The following IFT52 variants were observed in gnomAD, a reference collection of about 807,000 sequenced individuals.
IFT52 encodes intraflagellar transport 52.
In IFT52, 44 loss-of-function variants were observed where a neutral mutation model predicts 54.4. That is an observed-to-expected ratio of 0.81 (90% confidence interval 0.63 to 1.04). IFT52 has a LOEUF of 1.04. Among genes scored for constraint, IFT52 ranks in the 50% least tolerant of loss-of-function variants. IFT52 has a pLI of 0.00. For missense variants in IFT52, 452 were observed against 523.6 expected (o/e 0.86, Z 1.33); for synonymous variants, 181 against 185.3 (o/e 0.98, Z 0.19).
At chr20:43,641,327 TC>T (rs1985906618) in intron 12 of IFT52, among the ~76,000 whole-genome samples, 1 of 152,110 alleles carries the variant, frequency 6.6e-6, no homozygotes, top group Admixed American at 6.6e-5. Flanking sequence ...AACCTCTGCC[TC>T]CCGGGTTCAA....
At chr20:43,617,040 CTTT>C (rs537255149) in intron 7 of IFT52, among the ~76,000 whole-genome samples, 1 of 151,056 alleles carries the variant, frequency 6.6e-6, no homozygotes, top group Non-Finnish European at 1.5e-5. Context: ...TTATAGTATA[CTTT>C]TTTTTTAACC....
Position 43,596,451 on chromosome 20 carries a change from A to C in IFT52, c.136A>C (p.Thr46Pro). The C allele has an allele frequency of 6.3e-7, 1 of 1,596,734 alleles. No homozygotes were observed. Among genetic ancestry groups the C allele is most frequent in the Non-Finnish European group, 8.5e-7 (1 of 1,169,622 alleles). ...TATTTCCAGCTTAAAAGATGAAATCACATCTGAGAAGTTAAATGGAGTGAA... is the reference window on the plus strand; with the variant it reads ...TATTTCCAGCTTAAAAGATGAAATCCCATCTGAGAAGTTAAATGGAGTGAA... ...WKIQSLKDEI[T>P]SEKLNGVKLW... Residue 46 changes from threonine (T) to proline (P), a missense_variant, in exon 3 of 14, where the codon ACA becomes CCA. Thr to Pro is a conservative substitution (Grantham distance 38). Transcript: ENST00000373030.
intron 6 of IFT52, among the ~76,000 whole-genome samples, chr20:43,609,564 G>A (rs1983251538): frequency 2.0e-5 from 3 of 152,042 alleles, no homozygotes; most frequent in African/African-American, 7.2e-5. Flanking sequence ...CTGAGATCAG[G>A]CGTTCAAGAC....
At chr20:43,625,864 C>G (rs1984679211) in intron 10 of IFT52, among the ~76,000 whole-genome samples, 1 of 151,550 alleles carries the variant, frequency 6.6e-6, no homozygotes, top group Admixed American at 6.6e-5. Flanking sequence ...TCCCGAACGT[C>G]AAGGAGCAAG....
intron 6 of IFT52, among the ~76,000 whole-genome samples, chr20:43,607,937 G>T (rs1042275093): frequency 2.6e-5 from 4 of 152,226 alleles, no homozygotes; most frequent in African/African-American, 9.6e-5. Flanking sequence ...TCGCGGTTAG[G>T]AGCTGGAGAC....
intron 1 of IFT52, among the ~76,000 whole-genome samples, chr20:43,591,919 TA>T (rs2145575586): frequency 6.6e-6 from 1 of 152,264 alleles, no homozygotes; most frequent in South Asian, 2.1e-4. Flanking sequence ...AGCAGGAGCT[TA>T]CAGGTAGATA....
chr20:43,637,174 ACCT>A lies in IFT52; in HGVS notation c.1049_1051del (p.Pro350del). ...TTCCTCCCAGTTTCCGGGAGTTACC[ACCT>A]CCTCCTCTGGAGCTATTTGATTTAG... On this transcript the variant is annotated inframe_deletion, in exon 12 of 14. Coordinates refer to ENST00000373030, the MANE Select transcript of IFT52 (RefSeq NM_016004.5). The A allele has an allele frequency of 6.2e-7, 1 of 1,612,188 alleles. No individual in the cohort carries two copies. The highest frequency in any genetic ancestry group is 8.5e-7 in the Non-Finnish European group (1 of 1,179,068).
At chr20:43,627,232 G>A (rs1425711892) in intron 10 of IFT52, among the ~76,000 whole-genome samples, 1 of 152,130 alleles carries the variant, frequency 6.6e-6, no homozygotes, top group African/African-American at 2.4e-5. Flanking sequence ...GCGCCAGCGA[G>A]TGTGAGATGA....
At chr20:43,620,262 G>T (rs1984190057) in intron 8 of IFT52, among the ~76,000 whole-genome samples, 1 of 152,102 alleles carries the variant, frequency 6.6e-6, no homozygotes, top group Non-Finnish European at 1.5e-5. Flanking sequence ...TGTCATCACA[G>T]TAAATAGGGA....
intron 6 of IFT52, among the ~76,000 whole-genome samples, chr20:43,607,060 G>A (rs1007091432): frequency 3.3e-5 from 5 of 152,068 alleles, no homozygotes; most frequent in African/African-American, 7.2e-5. Context: ...CCACAAAACC[G>A]CCATTGTCAT....
At position 43,639,592 on chromosome 20, in the gene IFT52, C is replaced by T. The variant is rs536486571; in HGVS notation, c.1120+2339C>T. On this transcript the variant is annotated intron_variant, in intron 12 of 13. Transcript: ENST00000373030. Reference sequence around the variant, plus strand: ...GGCTGAGGCAGGAGAATCGCTTGAACCCAGGAGTTGGAAGTTGCGGTGAGC... The same window carrying T: ...GGCTGAGGCAGGAGAATCGCTTGAATCCAGGAGTTGGAAGTTGCGGTGAGC... Among the ~76,000 whole-genome samples the T allele has an allele frequency of 2.6e-5, 4 of 152,228 alleles. No individual in the cohort carries two copies. In the South Asian group the frequency reaches 6.2e-4, roughly 24 times the overall value.
chr20:43,615,981 T>C (rs1054834524), intron 7 of IFT52, among the ~76,000 whole-genome samples: 1 of 152,114 alleles, frequency 6.6e-6, no homozygotes, highest in Admixed American at 6.6e-5. Flanking sequence ...GGTGGCAGGC[T>C]TTGCAGCATT....
intron 7 of IFT52, among the ~76,000 whole-genome samples, chr20:43,618,674 G>A (rs915817380): frequency 1.3e-4 from 20 of 151,870 alleles, no homozygotes; most frequent in Admixed American, 3.9e-4. Context: ...AGTAGAGACG[G>A]GGTTTCACCA....
intron 13 of IFT52, among the ~76,000 whole-genome samples, chr20:43,646,050 T>C (rs1986175844): frequency 6.7e-6 from 1 of 149,364 alleles, no homozygotes; most frequent in African/African-American, 2.5e-5. Context: ...CCACTACAAA[T>C]ACAAAAAAAA....
chr20:43,631,747 C>T (rs1170708003), intron 10 of IFT52, among the ~76,000 whole-genome samples: 1 of 152,098 alleles, frequency 6.6e-6, no homozygotes, highest in East Asian at 1.9e-4. Flanking sequence ...GTCACTCTGG[C>T]TGGCCTGCTA....
At chr20:43,632,408 G>A (rs899591859) in intron 10 of IFT52, among the ~76,000 whole-genome samples, 2 of 151,778 alleles carry the variant, frequency 1.3e-5, no homozygotes, top group Admixed American at 6.6e-5. Context: ...TTACAGGCAC[G>A]CGCCACCACG....
intron 10 of IFT52, among the ~76,000 whole-genome samples, chr20:43,627,929 T>G (rs1007989399): frequency 7.0e-6 from 1 of 143,196 alleles, no homozygotes; most frequent in African/African-American, 2.6e-5. Context: ...AGAGTTTTTT[T>G]TTTTTTTTTT....
rs747898138 is a variant in IFT52 at position 43,603,796 on chromosome 20, G to GATGT, written c.245_248dup (p.Phe84CysfsTer14). 1.2e-6 allele frequency: 2 copies of GATGT among 1,611,450 alleles called. No individual in the cohort carries two copies. The highest frequency in any genetic ancestry group is 2.2e-5 in the South Asian group (2 of 90,560). On this transcript the variant is annotated frameshift_variant, in exon 4 of 14. Transcript: ENST00000373030. LOFTEE classifies it high-confidence loss of function. ...GAAGAAATATCTTGACACTGGTGGA[G>GATGT]ATGTCTTTGTGATGCTAGGAGAAGG... is the stretch of plus-strand genomic sequence containing the variant.
intron 1 of IFT52, among the ~76,000 whole-genome samples, chr20:43,593,539 C>A (rs564789781): frequency 2.2e-4 from 33 of 152,158 alleles, no homozygotes; most frequent in African/African-American, 7.7e-4. Context: ...TATGGTAGAT[C>A]CATAAAATGA....
Sources: allele counts gnomAD v4.1 joint callset (sites outside exome capture counted in the v4.1 genomes callset), GRCh38; gene constraint gnomAD v4.1.1; transcripts MANE v1.5; gene names NCBI Gene and HGNC (gene_info 2026-07-23, HGNC 2026-07-21).